The following DCC variants were observed in gnomAD, a reference collection of about 807,000 sequenced individuals.
DCC encodes DCC netrin 1 receptor, also known as netrin receptor DCC.
A neutral mutation model predicts 172.5 loss-of-function variants in DCC; 58 were observed. That is an observed-to-expected ratio of 0.34 (90% CI 0.27 to 0.42). The LOEUF (loss-of-function observed/expected upper bound fraction) is 0.42. DCC is among the 10% of genes least tolerant of loss of function. The pLI is 1.00. For synonymous variants in DCC, 709 were observed against 644.5 expected (o/e 1.10, Z -1.52); for missense variants, 1,740 against 1,791.0 (o/e 0.97, Z 0.51).
intron 2 of DCC, among the ~76,000 whole-genome samples, chr18:52,884,509 T>G (rs1009684880): frequency 6.6e-6 from 1 of 152,158 alleles, no homozygotes; most frequent in African/African-American, 2.4e-5. Flanking sequence ...ATATATCAAT[T>G]GCATTTTTCA....
intron 26 of DCC, among the ~76,000 whole-genome samples, chr18:53,497,807 A>T (rs2046044017): frequency 6.6e-6 from 1 of 152,188 alleles, no homozygotes; most frequent in Admixed American, 6.5e-5. Context: ...AATACTGTGC[A>T]TTCATTTGCT....
intron 1 of DCC, among the ~76,000 whole-genome samples, chr18:52,602,479 C>A (rs1568250427): frequency 6.6e-6 from 1 of 151,452 alleles, no homozygotes; most frequent in Non-Finnish European, 1.5e-5. Context: ...CAACATTATG[C>A]CAGCAGGGGA....
intron 1 of DCC, among the ~76,000 whole-genome samples, chr18:52,551,568 AG>A (rs1310153900): frequency 6.6e-6 from 1 of 152,084 alleles, no homozygotes; most frequent in African/African-American, 2.4e-5. Flanking sequence ...GAAGTTCAAA[AG>A]AGGGAAAGAT....
chr18:52,876,174 C>T (rs961199088), intron 2 of DCC, among the ~76,000 whole-genome samples: 2 of 152,158 alleles, frequency 1.3e-5, no homozygotes, highest in African/African-American at 2.4e-5. Flanking sequence ...CTAAATCAAT[C>T]ATTTGTCATA....
intron 2 of DCC, among the ~76,000 whole-genome samples, chr18:52,814,094 T>C (rs1598829874): frequency 1.3e-5 from 2 of 152,204 alleles, no homozygotes; most frequent in South Asian, 2.1e-4. Flanking sequence ...CCCTGACTAA[T>C]ACACATAGGT....
chr18:52,971,196 T>C (rs1256237546), intron 5 of DCC, among the ~76,000 whole-genome samples: 1 of 152,162 alleles, frequency 6.6e-6, no homozygotes. Flanking sequence ...TAGAGCCTCA[T>C]TGAATTTTCC....
chr18:52,393,665 G>T lies in DCC; in HGVS notation c.91+52787G>T, dbSNP rs141490107. Reference sequence around the variant, plus strand: ...ACTAAAGCCCAGGGATCAATGTTTTGACAAACTTCAGGAAATTCTAAAACC... The same window carrying T: ...ACTAAAGCCCAGGGATCAATGTTTTTACAAACTTCAGGAAATTCTAAAACC... On this transcript the variant is annotated intron_variant, in intron 1 of 28. Coordinates refer to ENST00000442544, the MANE Select transcript of DCC (RefSeq NM_005215.4). Among the ~76,000 whole-genome samples the T allele has an allele frequency of 1.8e-3, 278 of 152,102 alleles. 1 individual carries two copies. The highest frequency in any genetic ancestry group is 6.3e-3 in the African/African-American group (262 of 41,524).
chr18:52,892,528 G>A (rs1428964071), intron 2 of DCC: 2 of 152,104 alleles, frequency 1.3e-5, no homozygotes, highest in South Asian at 2.1e-4. Context: ...AATCATTGCT[G>A]GGGAGTAAGT....
intron 13 of DCC, among the ~76,000 whole-genome samples, chr18:53,310,974 T>C (rs1482213176): frequency 2.0e-5 from 2 of 98,660 alleles, no homozygotes; most frequent in African/African-American, 2.9e-5. Flanking sequence ...AATAAAGGTA[T>C]ACTTAGAAGC....
chr18:52,784,467 T>C (rs970971869), intron 2 of DCC, among the ~76,000 whole-genome samples: 3 of 152,082 alleles, frequency 2.0e-5, no homozygotes, highest in Non-Finnish European at 2.9e-5. Flanking sequence ...ATTTCTACTT[T>C]TAGTCTTTTG....
chr18:52,985,075 C>T (rs2041271367), intron 5 of DCC, among the ~76,000 whole-genome samples: 1 of 151,926 alleles, frequency 6.6e-6, no homozygotes, highest in Non-Finnish European at 1.5e-5. Flanking sequence ...CCTTGGAGCT[C>T]TCTGGTTCTA....
At chr18:53,109,059 C>T (rs2043293249) in intron 7 of DCC, among the ~76,000 whole-genome samples, 1 of 151,238 alleles carries the variant, frequency 6.6e-6, no homozygotes, top group Non-Finnish European at 1.5e-5. Context: ...TCTATATTCT[C>T]ATAAACACTG....
At chr18:52,985,396 A>G (rs1269823091) in intron 5 of DCC, among the ~76,000 whole-genome samples, 1 of 152,134 alleles carries the variant, frequency 6.6e-6, no homozygotes, top group South Asian at 2.1e-4. Flanking sequence ...ACATTGCTTT[A>G]TTGTCCTATA....
intron 15 of DCC, among the ~76,000 whole-genome samples, chr18:53,361,974 G>T (rs1314257439): frequency 1.3e-5 from 2 of 152,102 alleles, no homozygotes; most frequent in African/African-American, 4.8e-5. Context: ...GGACAAAACA[G>T]TACTTATGGA....
chr18:52,382,591 C>T (rs1985631383), intron 1 of DCC, among the ~76,000 whole-genome samples: 1 of 152,072 alleles, frequency 6.6e-6, no homozygotes, highest in African/African-American at 2.4e-5. Flanking sequence ...GAACCCAATA[C>T]TCTGGTGTTG....
intron 12 of DCC, among the ~76,000 whole-genome samples, chr18:53,285,905 A>G (rs969293140): frequency 1.8e-4 from 27 of 152,118 alleles, no homozygotes; most frequent in Admixed American, 5.9e-4. Context: ...ATTTGACTGC[A>G]CCTCTGGATT....
intron 9 of DCC, 86 bp from the exon 10 acceptor site, chr18:53,205,130 T>C: frequency 1.1e-5 from 12 of 1,046,354 alleles, no homozygotes; most frequent in South Asian, 1.0e-4. Context: ...TATTGAACTG[T>C]AAAAATGTAA....
chr18:53,524,859 G>A (rs753585735), intron 27 of DCC, among the ~76,000 whole-genome samples: 25 of 151,988 alleles, frequency 1.6e-4, no homozygotes, highest in Non-Finnish European at 2.8e-4. Flanking sequence ...CTAAATGTGC[G>A]AACTTAGGCA....
Position 53,305,718 on chromosome 18 carries a change from A to T in DCC, c.2052A>T (p.Thr684=). ...CAAACAACCTCTGGTACCTATTCAC[A>T]GGTCAGTGTTCACATGGTGTAGTCT... ...LEPNNLWYLF[T]GLEKGSQYSF... The change falls in exon 13 of 29, where the codon ACA becomes ACT. Residue 684 remains threonine (T), a splice_region_variant and synonymous_variant. Coordinates refer to ENST00000442544, the MANE Select transcript of DCC (RefSeq NM_005215.4). 1 of 1,613,950 alleles carries T rather than the reference A, an allele frequency of 6.2e-7. No individual in the cohort carries two copies. The highest frequency in any genetic ancestry group is 8.5e-7 in the Non-Finnish European group (1 of 1,179,844).
Sources: gnomAD v4.1 joint callset for allele counts (sites outside exome capture counted in the v4.1 genomes callset) on GRCh38, gnomAD v4.1.1 for gene constraint, MANE v1.5 for transcripts, NCBI Gene and HGNC (gene_info 2026-07-23, HGNC 2026-07-21) for gene names.